Variants in HAAO observed in about 807,000 individuals in gnomAD.
HAAO encodes 3-hydroxyanthranilate oxygenase.
A neutral mutation model predicts 46.2 loss-of-function variants in HAAO; 49 were observed. The observed-to-expected ratio is 1.06, with a 90% CI of 0.84 to 1.34. The LOEUF (loss-of-function observed/expected upper bound fraction) is 1.34. HAAO is among the 40% of genes most tolerant of loss of function. HAAO has a pLI of 0.00. For synonymous variants in HAAO, 157 were observed against 145.2 expected (o/e 1.08, Z -0.58); for missense variants, 408 against 364.5 (o/e 1.12, Z -0.97).
chr2:42,779,720 T>C (rs1192132746), intron 4 of HAAO, among the ~76,000 whole-genome samples: 1 of 152,244 alleles, frequency 6.6e-6, no homozygotes, highest in Non-Finnish European at 1.5e-5. Context: ...ATTACTTTGG[T>C]TAAATGAATG....
Position 42,767,508 on chromosome 2 carries a change from A to C in HAAO, c.790T>G (p.Trp264Gly), listed in dbSNP as rs745855441. ...LLVLAGTSYA[W>G]ERTQGSVALS... is the part of the protein sequence containing the mutation. ...GCCACAGAGCCTTGTGTTCGCTCCC[A>C]GGCATACCTGTGGACACACAGATGA... The change falls in exon 10 of 10, where the codon TGG (tryptophan) becomes GGG (glycine). Residue 264 changes from tryptophan (W) to glycine (G), a missense_variant. By Grantham distance (184) the Trp-to-Gly change is radical. Transcript: ENST00000294973. 1.2e-6 allele frequency: 2 copies of C among 1,611,758 alleles called. No individual in the cohort carries two copies. The highest frequency in any genetic ancestry group is 2.7e-5 in the African/African-American group (2 of 74,904).
At chr2:42,773,349 C>G (rs139620815) in intron 4 of HAAO, among the ~76,000 whole-genome samples, 105 of 152,144 alleles carry the variant, frequency 6.9e-4, no homozygotes, top group African/African-American at 2.4e-3. Flanking sequence ...GTGGAATGAG[C>G]TGGGGTAGAG....
At chr2:42,792,097 TG>T in intron 1 of HAAO, among the ~76,000 whole-genome samples, 1 of 152,310 alleles carries the variant, frequency 6.6e-6, no homozygotes, top group Non-Finnish European at 1.5e-5. Flanking sequence ...AGTGCATTTC[TG>T]CCTTGAAAAC....
intron 6 of HAAO, 27 bp downstream of exon 6, chr2:42,770,113 AAGG>A: frequency 6.3e-7 from 1 of 1,593,860 alleles, no homozygotes; most frequent in Non-Finnish European, 8.6e-7. Flanking sequence ...GGAGGGAGGG[AAGG>A]AGAAGGGCAG....
At position 42,792,494 on chromosome 2, in the gene HAAO, G is replaced by A. The variant is rs755747689; in HGVS notation, c.43C>T (p.Arg15Trp). 1 of 1,593,352 alleles carries A rather than the reference G, an allele frequency of 6.3e-7. No individual in the cohort carries two copies. The highest frequency in any genetic ancestry group is 1.7e-5 in the Admixed American group (1 of 57,772). ...CAGACCGGGGGCTGGAAGGAGCCCC[G>A]GTTCTCCTTCACCCAGGCCCTCACT... The part of the protein sequence containing the change: ...LGVRAWVKEN[R>W]GSFQPPVCNK... The change falls in exon 1 of 10, where the codon CGG (arginine) becomes TGG (tryptophan). Residue 15 changes from arginine (R) to tryptophan (W), a missense_variant. Transcript: ENST00000294973.
rs181574025 is a variant in HAAO at position 42,788,375 on chromosome 2, C to A, written c.159+154G>T. ...ACCAGCTTGGAGGCAGCAGTCGTGC[C>A]CTGTGATTTCAGCTGTGCCCCCTCC... is the stretch of plus-strand genomic sequence containing the variant. On this transcript the variant is annotated intron_variant, in intron 2 of 9. Coordinates refer to ENST00000294973, the MANE Select transcript of HAAO (RefSeq NM_012205.3). 2.6e-5 allele frequency among the ~76,000 whole-genome samples: 4 copies of A among 151,678 alleles called. No homozygotes were observed. The East Asian group carries it at 7.7e-4, about 29-fold the overall frequency.
Position 42,770,498 on chromosome 2 carries a change from G to A in HAAO, c.435C>T (p.Ile145=). The A allele has an allele frequency of 6.5e-7, 1 of 1,549,100 alleles. No individual in the cohort carries two copies. The highest frequency in any genetic ancestry group is 1.2e-5 in the South Asian group (1 of 83,766). The part of the protein sequence containing the change: ...KDLGTQLAPI[I]QEFFSSEQYR... ...GGGCTGGGCTGGGGGCTCACTCCTG[G>A]ATGATGGGGGCCAACTGCGTGCCGA... is the stretch of plus-strand genomic sequence containing the variant. The change falls in exon 5 of 10, where the codon ATC becomes ATT. Residue 145 remains isoleucine, a synonymous_variant. Transcript: ENST00000294973.
rs570602396 is a variant in HAAO, at chr2:42,773,395, A to T, written c.351-2813T>A. ...AGGGAGGCACTGGCCGTGATTCTAAATTCTGGGGGGAAGCAGCAGTTCTGG... is the reference window on the plus strand; with the variant it reads ...AGGGAGGCACTGGCCGTGATTCTAATTTCTGGGGGGAAGCAGCAGTTCTGG... On this transcript the variant is annotated intron_variant, in intron 4 of 9. Transcript: ENST00000294973. 2.4e-3 allele frequency among the ~76,000 whole-genome samples: 371 copies of T among 152,022 alleles called. 2 individuals are homozygous for T. Among genetic ancestry groups the T allele is most frequent in the Non-Finnish European group, 2.3e-3 (159 of 67,990 alleles).
chr2:42,774,726 C>T (rs1166631500), intron 4 of HAAO, among the ~76,000 whole-genome samples: 1 of 152,144 alleles, frequency 6.6e-6, no homozygotes, highest in Admixed American at 6.5e-5. Flanking sequence ...TTAATTTCTC[C>T]TTCCCATTAG....
At chr2:42,784,029 G>T (rs4953660) in intron 2 of HAAO, 162 bp from the exon 3 acceptor site, 438,258 of 854,536 alleles carry the variant, frequency 0.51, 114,751 homozygotes, top group East Asian at 0.74. Context: ...TGTCTCCCCG[G>T]TGCATGCCAT....
intron 1 of HAAO, among the ~76,000 whole-genome samples, chr2:42,790,130 C>T (rs1672679760): frequency 6.6e-6 from 1 of 152,150 alleles, no homozygotes; most frequent in African/African-American, 2.4e-5. Flanking sequence ...GTGTCCTGTC[C>T]TGTGGGCTGC....
intron 8 of HAAO, 57 bp downstream of exon 8, chr2:42,767,803 G>A (rs1670780277): frequency 6.3e-7 from 1 of 1,580,438 alleles, no homozygotes; most frequent in South Asian, 1.1e-5. Context: ...GGGCCGAGGA[G>A]CGGGCTGATG....
intron 4 of HAAO, among the ~76,000 whole-genome samples, chr2:42,772,987 C>T (rs1430624737): frequency 6.8e-6 from 1 of 147,084 alleles, no homozygotes; most frequent in African/African-American, 2.5e-5. Flanking sequence ...TTTGGAAAAT[C>T]TATTTCCCTG....
Position 42,770,136 on chromosome 2 carries a change from G to T in HAAO, c.484+7C>A. ...GGAAGGAGAAGGGCAGTTCCCAGCGGCCTCACCAGGGATGGGCTTTCCTGT... is the reference window on the plus strand; with the variant it reads ...GGAAGGAGAAGGGCAGTTCCCAGCGTCCTCACCAGGGATGGGCTTTCCTGT... On this transcript the variant is annotated splice_region_variant and intron_variant, in intron 6 of 9. Transcript: ENST00000294973. The T allele has an allele frequency of 6.2e-7, 1 of 1,603,420 alleles. No individual in the cohort carries two copies. Among genetic ancestry groups the T allele is most frequent in the Non-Finnish European group, 8.5e-7 (1 of 1,173,810 alleles).
At chr2:42,783,539 T>C in intron 3 of HAAO, 119 bp from the exon 4 acceptor site, 1 of 704,226 alleles carries the variant, frequency 1.4e-6, no homozygotes, top group South Asian at 1.7e-5. Context: ...ACTGCTTGTC[T>C]ACCCTGGGCC....
At chr2:42,782,529 C>G (rs978376774) in intron 4 of HAAO, among the ~76,000 whole-genome samples, 2 of 152,124 alleles carry the variant, frequency 1.3e-5, no homozygotes, top group African/African-American at 4.8e-5. Context: ...TTCTAAAATG[C>G]TTTCTCCAAA....
chr2:42,781,887 ATT>A (rs1457197553), intron 4 of HAAO, among the ~76,000 whole-genome samples: 2 of 152,064 alleles, frequency 1.3e-5, no homozygotes, highest in Admixed American at 6.6e-5. Flanking sequence ...AAAAAAAAAA[ATT>A]ATTCTTGCTG....
intron 4 of HAAO, among the ~76,000 whole-genome samples, chr2:42,778,749 G>C (rs11693355): frequency 0.16 from 24,657 of 152,066 alleles, 3,305 homozygotes; most frequent in African/African-American, 0.34. Flanking sequence ...AGCTCCTCAA[G>C]GCCCAGGGAC....
chr2:42,781,266 G>C (rs1267932536), intron 4 of HAAO, among the ~76,000 whole-genome samples: 2 of 152,182 alleles, frequency 1.3e-5, no homozygotes, highest in African/African-American at 4.8e-5. Context: ...GGAGAAACTG[G>C]TTATTTTATC....
Sources: gnomAD v4.1 joint callset for allele counts (sites outside exome capture counted in the v4.1 genomes callset) on GRCh38, gnomAD v4.1.1 for gene constraint, MANE v1.5 for transcripts, NCBI Gene and HGNC (gene_info 2026-07-23, HGNC 2026-07-21) for gene names.